Variants in ZNF804A observed in about 807,000 individuals in gnomAD.
ZNF804A encodes zinc finger protein 804A.
ZNF804A carries 2 observed loss-of-function variants against 16.5 expected under a neutral mutation model. The ratio of observed to expected loss-of-function variants is 0.12; its 90% CI spans 0.05 to 0.38. The LOEUF is 0.38. ZNF804A is among the 10% of genes least tolerant of loss of function. The pLI is 0.99. For missense variants in ZNF804A, 1,473 were observed against 1,390.7 expected (o/e 1.06, Z -0.94); for synonymous variants, 534 against 489.6 (o/e 1.09, Z -1.20).
chr2:184,749,753 T>A (rs1392548006), intron 1 of ZNF804A, among the ~76,000 whole-genome samples: 1 of 151,240 alleles, frequency 6.6e-6, no homozygotes, highest in Non-Finnish European at 1.5e-5. Flanking sequence ...TTTATGGCAT[T>A]TCTTGTGGTT....
chr2:184,908,329 G>A (rs1280027451), intron 2 of ZNF804A, among the ~76,000 whole-genome samples: 1 of 151,908 alleles, frequency 6.6e-6, no homozygotes, highest in African/African-American at 2.4e-5. Flanking sequence ...CCCACCTCAA[G>A]CTCTGCTTCT....
intron 2 of ZNF804A, among the ~76,000 whole-genome samples, chr2:184,877,472 A>G (rs190443269): frequency 1.6e-3 from 247 of 152,178 alleles, no homozygotes; most frequent in Non-Finnish European, 1.6e-3. Context: ...TACTAATCCT[A>G]TCAAGAACCA....
rs1325618788 is a variant in ZNF804A, at chr2:184,753,515, G to A, written c.112-112854G>A. Among the ~76,000 whole-genome samples, 3 of 151,774 alleles carry A rather than the reference G, an allele frequency of 2.0e-5. No homozygotes were observed. The East Asian group carries it at 5.8e-4, about 30-fold the overall frequency. Reference sequence around the variant, plus strand: ...AAAAACAGCTAAATATTAATGCTCTGGGCCTAGAATTGCCTGTCTTGGATG... The same window carrying A: ...AAAAACAGCTAAATATTAATGCTCTAGGCCTAGAATTGCCTGTCTTGGATG... On this transcript the variant is annotated intron_variant, in intron 1 of 3. Coordinates refer to ENST00000302277, the MANE Select transcript of ZNF804A (RefSeq NM_194250.2).
chr2:184,704,868 C>G (rs920093414), intron 1 of ZNF804A, among the ~76,000 whole-genome samples: 4 of 152,186 alleles, frequency 2.6e-5, no homozygotes, highest in Admixed American at 2.6e-4. Flanking sequence ...AGGGGATGCC[C>G]TGAGAATCCT....
At chr2:184,914,214 C>T (rs1401196777) in intron 2 of ZNF804A, among the ~76,000 whole-genome samples, 3 of 152,124 alleles carry the variant, frequency 2.0e-5, no homozygotes, top group East Asian at 3.9e-4. Context: ...GGATACAGGC[C>T]AGCATCTTAC....
intron 1 of ZNF804A, among the ~76,000 whole-genome samples, chr2:184,719,924 A>G (rs1178647587): frequency 6.6e-6 from 1 of 151,824 alleles, no homozygotes; most frequent in Non-Finnish European, 1.5e-5. Flanking sequence ...GCAGTGCCCC[A>G]CTCTTCTGAA....
chr2:184,859,356 T>C (rs536321758), intron 1 of ZNF804A, among the ~76,000 whole-genome samples: 2 of 152,098 alleles, frequency 1.3e-5, no homozygotes, highest in Non-Finnish European at 2.9e-5. Context: ...TCACAGATTT[T>C]CTTTGTTGTG....
At chr2:184,675,029 C>G (rs909742203) in intron 1 of ZNF804A, among the ~76,000 whole-genome samples, 1 of 151,572 alleles carries the variant, frequency 6.6e-6, no homozygotes, top group Non-Finnish European at 1.5e-5. Flanking sequence ...TATGTATATA[C>G]GTATGTGCGT....
chr2:184,819,510 C>T (rs1329280313), intron 1 of ZNF804A, among the ~76,000 whole-genome samples: 1 of 151,710 alleles, frequency 6.6e-6, no homozygotes, highest in Non-Finnish European at 1.5e-5. Flanking sequence ...ACAAAAGTAA[C>T]TAGAGAACCA....
chr2:184,709,474 A>C (rs1391364775), intron 1 of ZNF804A, among the ~76,000 whole-genome samples: 1 of 151,966 alleles, frequency 6.6e-6, no homozygotes, highest in African/African-American at 2.4e-5. Context: ...TATTCTGAGA[A>C]CAATCCTGTA....
chr2:184,894,906 G>A (rs1685041495), intron 2 of ZNF804A, among the ~76,000 whole-genome samples: 1 of 151,840 alleles, frequency 6.6e-6, no homozygotes, highest in Non-Finnish European at 1.5e-5. Context: ...TGTTAGCCAG[G>A]ATGGTCTCCA....
chr2:184,875,427 G>A (rs1359925467), intron 2 of ZNF804A, among the ~76,000 whole-genome samples: 9 of 152,114 alleles, frequency 5.9e-5, no homozygotes, highest in South Asian at 4.2e-4. Context: ...TCTCTTTCTT[G>A]TGCCCTCTCT....
chr2:184,927,844 A>G (rs1685633585), intron 2 of ZNF804A, among the ~76,000 whole-genome samples: 1 of 152,108 alleles, frequency 6.6e-6, no homozygotes, highest in African/African-American at 2.4e-5. Flanking sequence ...TGTGGTGAAT[A>G]CTGCCTGGCC....
At chr2:184,620,353 A>C (rs957112482) in intron 1 of ZNF804A, among the ~76,000 whole-genome samples, 1 of 151,864 alleles carries the variant, frequency 6.6e-6, no homozygotes, top group Non-Finnish European at 1.5e-5. Context: ...AGTTCTGCAA[A>C]TCAGTTCATA....
At chr2:184,692,778 G>A (rs913488823) in intron 1 of ZNF804A, among the ~76,000 whole-genome samples, 41 of 151,962 alleles carry the variant, frequency 2.7e-4, no homozygotes, top group African/African-American at 9.4e-4. Context: ...CAATATCATC[G>A]TAATAATAAC....
At chr2:184,763,988 C>G (rs761090895) in intron 1 of ZNF804A, among the ~76,000 whole-genome samples, 33 of 151,934 alleles carry the variant, frequency 2.2e-4, no homozygotes, top group Non-Finnish European at 3.8e-4. Context: ...TTATACTGTC[C>G]TCTCATGCCC....
At chr2:184,838,116 C>T (rs1418402182) in intron 1 of ZNF804A, among the ~76,000 whole-genome samples, 3 of 151,232 alleles carry the variant, frequency 2.0e-5, no homozygotes, top group Admixed American at 1.3e-4. Context: ...ACTGAAATAG[C>T]AGGTTGGAGT....
intron 1 of ZNF804A, among the ~76,000 whole-genome samples, chr2:184,653,949 G>T (rs1480062998): frequency 1.3e-5 from 2 of 152,148 alleles, no homozygotes; most frequent in African/African-American, 4.8e-5. Context: ...AACCAGTGTG[G>T]TAACTGCCAG....
Position 184,739,943 on chromosome 2 carries a change from C to CA in ZNF804A, c.112-126419dup, listed in dbSNP as rs371360538. Among the ~76,000 whole-genome samples, 17 of 152,124 alleles carry CA rather than the reference C, an allele frequency of 1.1e-4. No homozygotes were observed. The South Asian group carries it at 2.5e-3, about 22-fold the overall frequency. ...TCTATATTTAAACATTCATTTTCTT[C>CA]AAAAAAATTAACTCAGTTGTTGAAT... On this transcript the variant is annotated intron_variant, in intron 1 of 3. Coordinates refer to ENST00000302277, the MANE Select transcript of ZNF804A (RefSeq NM_194250.2).
Sources: gnomAD v4.1 joint callset for allele counts (sites outside exome capture counted in the v4.1 genomes callset) on GRCh38, gnomAD v4.1.1 for gene constraint, MANE v1.5 for transcripts, NCBI Gene and HGNC (gene_info 2026-07-23, HGNC 2026-07-21) for gene names.